ROBO2: variants seen among roughly 807,000 people sequenced by gnomAD.
ROBO2 encodes roundabout guidance receptor 2.
Under a neutral mutation model 160.8 loss-of-function variants are expected in ROBO2, and 53 were observed. The ratio of observed to expected loss-of-function variants is 0.33; its 90% confidence interval spans 0.26 to 0.41. The LOEUF is 0.41. ROBO2 is among the 10% of genes least tolerant of loss of function. ROBO2 has a pLI of 1.00. For missense variants in ROBO2, 1,577 were observed against 1,722.4 expected, an observed-to-expected ratio of 0.92 and a Z score of 1.49; for synonymous variants, 664 against 611.7, an observed-to-expected ratio of 1.09 and a Z score of -1.26.
At chr3:76,151,493 G>A (rs1359373323) in intron 2 of ROBO2, among the ~76,000 whole-genome samples, 1 of 152,146 alleles carries the variant, frequency 6.6e-6, no homozygotes, top group African/African-American at 2.4e-5. Context: ...CCAGGCTATA[G>A]CTTTGATCCA....
chr3:76,088,591 C>T (rs1251156049), intron 2 of ROBO2, among the ~76,000 whole-genome samples: 1 of 151,866 alleles, frequency 6.6e-6, no homozygotes, highest in East Asian at 1.9e-4. Context: ...AATACTTGGA[C>T]GTTAAATAAC....
chr3:76,712,689 A>G (rs1414742225), intron 2 of ROBO2, among the ~76,000 whole-genome samples: 1 of 151,762 alleles, frequency 6.6e-6, no homozygotes, highest in Admixed American at 6.6e-5. Context: ...AAAAAATAAT[A>G]ATAATAATTA....
chr3:76,197,769 T>C (rs1702330625), intron 2 of ROBO2, among the ~76,000 whole-genome samples: 1 of 152,184 alleles, frequency 6.6e-6, no homozygotes, highest in Non-Finnish European at 1.5e-5. Flanking sequence ...ATGGCCGAAA[T>C]AGAATTTGAA....
intron 2 of ROBO2, among the ~76,000 whole-genome samples, chr3:76,129,583 T>A (rs2071142930): frequency 6.6e-6 from 1 of 152,136 alleles, no homozygotes; most frequent in African/African-American, 2.4e-5. Flanking sequence ...CTCTTATTAG[T>A]CCCATTCGAA....
chr3:77,328,928 C>T (rs2065714684), intron 2 of ROBO2, among the ~76,000 whole-genome samples: 1 of 152,166 alleles, frequency 6.6e-6, no homozygotes, highest in African/African-American at 2.4e-5. Context: ...CTGCTGAAAT[C>T]TGTGATAGTT....
chr3:76,536,311 T>G (rs2082498039), intron 2 of ROBO2, among the ~76,000 whole-genome samples: 1 of 152,124 alleles, frequency 6.6e-6, no homozygotes, highest in African/African-American at 2.4e-5. Flanking sequence ...ACTCCTGTTG[T>G]GGGGTTTGAG....
At chr3:77,534,170 G>A (rs1413677059) in intron 6 of ROBO2, among the ~76,000 whole-genome samples, 1 of 151,916 alleles carries the variant, frequency 6.6e-6, no homozygotes, top group Admixed American at 6.6e-5. Flanking sequence ...TGGTTTTGGG[G>A]CTATAGTAGT....
intron 2 of ROBO2, among the ~76,000 whole-genome samples, chr3:77,011,311 C>T (rs2149465404): frequency 6.6e-6 from 1 of 152,146 alleles, no homozygotes; most frequent in African/African-American, 2.4e-5. Context: ...AGTAGGCCTT[C>T]AATAAATACG....
At chr3:76,148,577 C>A (rs987825014) in intron 2 of ROBO2, among the ~76,000 whole-genome samples, 1 of 152,028 alleles carries the variant, frequency 6.6e-6, no homozygotes, top group Non-Finnish European at 1.5e-5. Flanking sequence ...AGACTCCTTC[C>A]CACCAACCTT....
At chr3:76,024,037 ATTGT>A (rs2066655966) in intron 2 of ROBO2, among the ~76,000 whole-genome samples, 1 of 151,498 alleles carries the variant, frequency 6.6e-6, no homozygotes, top group East Asian at 1.9e-4. Context: ...ATAAAAATCT[ATTGT>A]TTAACATCAT....
chr3:76,307,466 C>T (rs2071384093), intron 2 of ROBO2, among the ~76,000 whole-genome samples: 3 of 151,338 alleles, frequency 2.0e-5, no homozygotes, highest in South Asian at 2.1e-4. Context: ...TCTTTTTCTT[C>T]ATGTTTTCCT....
chr3:75,966,997 T>C lies in ROBO2; in HGVS notation c.109+29395T>C, dbSNP rs188478496. On this transcript the variant is annotated intron_variant, in intron 2 of 26. Transcript: ENST00000487694. Reference sequence around the variant, plus strand: ...AGACTCAGGTCTTTGATTTCCACAATGTGTGTGTGTGTGCATGTGTATTTA... The same window carrying C: ...AGACTCAGGTCTTTGATTTCCACAACGTGTGTGTGTGTGCATGTGTATTTA... Among the ~76,000 whole-genome samples the C allele has an allele frequency of 5.0e-3, 757 of 151,224 alleles. 3 individuals carry two copies. Among genetic ancestry groups the C allele is most frequent in the Non-Finnish European group, 7.2e-3 (484 of 67,600 alleles).
chr3:76,729,531 G>T (rs1046691382), intron 2 of ROBO2, among the ~76,000 whole-genome samples: 1 of 151,700 alleles, frequency 6.6e-6, no homozygotes, highest in South Asian at 2.1e-4. Context: ...TGGAAGGTTT[G>T]GTATGTTTTA....
At chr3:76,024,440 G>T (rs892394656) in intron 2 of ROBO2, among the ~76,000 whole-genome samples, 1 of 151,196 alleles carries the variant, frequency 6.6e-6, no homozygotes, top group Non-Finnish European at 1.5e-5. Context: ...AAAATGTATA[G>T]GTCATTTGCA....
chr3:76,074,566 C>A (rs2068581715), intron 2 of ROBO2, among the ~76,000 whole-genome samples: 1 of 152,030 alleles, frequency 6.6e-6, no homozygotes, highest in Non-Finnish European at 1.5e-5. Flanking sequence ...CTTAATATCT[C>A]ATCAGGAAAA....
chr3:77,090,837 G>A (rs1310806294), intron 1 of ROBO2, among the ~76,000 whole-genome samples: 1 of 152,100 alleles, frequency 6.6e-6, no homozygotes, highest in African/African-American at 2.4e-5. Context: ...AGGTGGCTCT[G>A]ATCACATTCA....
At chr3:76,451,115 T>G (rs761852839) in intron 2 of ROBO2, among the ~76,000 whole-genome samples, 2 of 152,082 alleles carry the variant, frequency 1.3e-5, no homozygotes, top group Non-Finnish European at 2.9e-5. Flanking sequence ...ACAAAGCTCT[T>G]CAGTGCTTTC....
intron 2 of ROBO2, among the ~76,000 whole-genome samples, chr3:76,882,608 T>C (rs1179457): frequency 0.64 from 97,897 of 151,952 alleles, 31,788 homozygotes; most frequent in Middle Eastern, 0.74. Context: ...CAAAAAATAC[T>C]CCCAAGTAAC....
chr3:77,296,423 A>G (rs2062129635), intron 2 of ROBO2, among the ~76,000 whole-genome samples: 1 of 152,182 alleles, frequency 6.6e-6, no homozygotes, highest in African/African-American at 2.4e-5. Context: ...TGACGGCTAA[A>G]CCGTCAAACT....
Sources: allele counts gnomAD v4.1 joint callset (sites outside exome capture counted in the v4.1 genomes callset), GRCh38; gene constraint gnomAD v4.1.1; transcripts MANE v1.5; gene names NCBI Gene and HGNC (gene_info 2026-07-23, HGNC 2026-07-21).